The following ARHGAP45 variants were observed in gnomAD, a reference collection of about 807,000 sequenced individuals.
ARHGAP45 encodes the protein rho GTPase-activating protein 45.
ARHGAP45 carries 56 observed loss-of-function variants against 116.1 expected under a neutral mutation model. The ratio of observed to expected loss-of-function variants is 0.48; its 90% CI spans 0.39 to 0.60. The LOEUF (loss-of-function observed/expected upper bound fraction) is 0.60, where lower values mean the gene tolerates loss of function less well. ARHGAP45 is among the 20% of genes least tolerant of loss of function. The probability of loss-of-function intolerance (pLI) is 0.00; values close to 1 mark genes in which losing one functional copy is unlikely to be tolerated. For synonymous variants in ARHGAP45, 866 were observed against 701.7 expected (o/e 1.23, Z -3.70); for missense variants, 1,622 against 1,601.0 (o/e 1.01, Z -0.22).
chr19:1,067,192 C>G lies in ARHGAP45; in HGVS notation c.-214C>G. The stretch of plus-strand genomic sequence containing the variant: ...ACTCCGCAGAGCCGCAGGCTGAGGC[C>G]GGGAAGGGTCGGGGGCGAGGCCGCG... On this transcript the variant is annotated 5_prime_UTR_variant, in exon 1 of 23. Coordinates refer to ENST00000313093, the MANE Select transcript of ARHGAP45 (RefSeq NM_012292.5). The G allele has an allele frequency of 3.0e-6, 4 of 1,326,260 alleles. No homozygotes were observed. Among genetic ancestry groups the G allele is most frequent in the Non-Finnish European group, 3.8e-6 (4 of 1,042,804 alleles). 82.2% of individuals were successfully genotyped at this position (1,326,260 alleles called of 1,614,324 possible).
At position 1,080,519 on chromosome 19, in the gene ARHGAP45, C is replaced by T. The variant is rs769854991; in HGVS notation, c.1884C>T (p.Asp628=). 4 of 1,612,826 alleles carry T rather than the reference C, an allele frequency of 2.5e-6. No individual in the cohort carries two copies. Among genetic ancestry groups the T allele is most frequent in the African/African-American group, 1.3e-5 (1 of 74,924 alleles). Residue 628 remains aspartate (D), a synonymous_variant, in exon 15 of 23, where the codon GAC becomes GAT. Transcript: ENST00000313093. ...GGCCGCTCTCGATCTCAGACTCGGA[C>T]AGTGGGCTGGACCCCGGCCCTGGCG... The part of the protein sequence containing the change: ...KSWPLSISDS[D]SGLDPGPGAG...
In ARHGAP45 at chr19:1,073,932, C is replaced by G. The variant is rs752747465; in HGVS notation, c.724-16C>G. The G allele has an allele frequency of 6.5e-7, 1 of 1,546,122 alleles. No individual in the cohort carries two copies. Among genetic ancestry groups the G allele is most frequent in the African/African-American group, 1.4e-5 (1 of 73,152 alleles). On this transcript the variant is annotated splice_polypyrimidine_tract_variant and intron_variant, in intron 5 of 22. Coordinates refer to ENST00000313093, the MANE Select transcript of ARHGAP45 (RefSeq NM_012292.5). ...CCCCGCATGGGGCTGGTCTCACCTG[C>G]GTCTCCGTCCTACAGTCCATGGAAA...
intron 22 of ARHGAP45, among the ~76,000 whole-genome samples, 188 bp downstream of exon 22, chr19:1,084,534 A>G (rs2043543620): frequency 6.6e-6 from 1 of 152,230 alleles, no homozygotes; most frequent in Non-Finnish European, 1.5e-5. Flanking sequence ...CTGCAAAAAC[A>G]GGCAAGGCAG....
rs907592355 is a variant in ARHGAP45 at position 1,080,724 on chromosome 19, T to C, written c.1955T>C (p.Met652Thr). 1 of 1,613,596 alleles carries C rather than the reference T, an allele frequency of 6.2e-7. No individual in the cohort carries two copies. The highest frequency in any genetic ancestry group is 1.3e-5 in the African/African-American group (1 of 75,044). Residue 652 changes from methionine to threonine, a missense_variant, in exon 16 of 23, where the codon ATG becomes ACG. Around this residue, in one of 3 missense-constraint regions of ARHGAP45, gnomAD observed 1,334 missense variants for 1,263.8 expected, o/e 1.06. Coordinates refer to ENST00000313093, the MANE Select transcript of ARHGAP45 (RefSeq NM_012292.5). ...GAGCGGACGTCATCCAGTGGTACCA[T>C]GTCGTCCACGGAGGAGCTGGTGGAC... is the stretch of plus-strand genomic sequence containing the variant. ...KFERTSSSGT[M>T]SSTEELVDPD... is the part of the protein sequence containing the mutation.
In ARHGAP45 at chr19:1,067,480, C is replaced by A. The variant is rs1248446328; in HGVS notation, c.75C>A (p.Ser25Arg). Residue 25 changes from serine to arginine, a missense_variant, in exon 1 of 23, where the codon AGC (serine) becomes AGA (arginine). Physicochemically the swap from Ser to Arg is moderately radical, Grantham distance 110. Transcript: ENST00000313093. The part of the protein sequence containing the change: ...ISKKNRAGSP[S>R]PQPSGELPRK... The stretch of plus-strand genomic sequence containing the variant: ...AAAAGAACCGCGCGGGAAGCCCCAG[C>A]CCGCAGCCCTCGGGGGTGAGTGGAG... The A allele has an allele frequency of 1.2e-6, 2 of 1,603,548 alleles. No homozygotes were observed. Among genetic ancestry groups the A allele is most frequent in the Non-Finnish European group, 1.7e-6 (2 of 1,175,982 alleles).
At chr19:1,066,254 GAGGGGGGAGAGAGTTCACAC>G, upstream of ARHGAP45, 2 of 1,000,678 alleles carry the variant, frequency 2.0e-6, no homozygotes, top group East Asian at 3.5e-5. Context: ...GAGACTTGGG[GAGGGGGGAGAGAGTTCACAC>G]TGCGGGGTGG....
chr19:1,074,994 C>G lies in ARHGAP45; in HGVS notation c.1185+115C>G, dbSNP rs2043214130. ...CGGCGAGCTCCGCACACGCCCCGGC[C>G]TCCTGCGCATGCGCGGCCTCGCAGG... On this transcript the variant is annotated intron_variant, in intron 10 of 22. Transcript: ENST00000313093. The G allele has an allele frequency of 4.7e-6, 4 of 853,650 alleles. No individual in the cohort carries two copies. The South Asian group carries it at 1.6e-4, about 34-fold the overall frequency. 52.9% of individuals were successfully genotyped at this position (853,650 alleles called of 1,614,324 possible).
chr19:1,067,597 C>T (rs2043062850), intron 1 of ARHGAP45, 102 bp downstream of exon 1: 4 of 1,138,544 alleles, frequency 3.5e-6, no homozygotes, highest in South Asian at 1.3e-5. Flanking sequence ...GCTGGGGGCT[C>T]GTGCCAGCTA....
intron 10 of ARHGAP45, chr19:1,076,948 C>CAA: frequency 1.2e-6 from 1 of 855,526 alleles, no homozygotes; most frequent in South Asian, 5.4e-5. Flanking sequence ...AGGCTGGTCT[C>CAA]AAACTCCTGG....
intron 1 of ARHGAP45, among the ~76,000 whole-genome samples, chr19:1,067,957 G>T (rs978183348): frequency 2.7e-5 from 4 of 146,002 alleles, no homozygotes; most frequent in African/African-American, 7.6e-5. Flanking sequence ...ACAAAGCTGG[G>T]GGGGGGGTCT....
At position 1,080,128 on chromosome 19, in the gene ARHGAP45, C is replaced by T. The variant is rs764265678; in HGVS notation, c.1703+10C>T. 1.2e-6 allele frequency: 2 copies of T among 1,610,746 alleles called. No homozygotes were observed. Among genetic ancestry groups the T allele is most frequent in the Admixed American group, 1.7e-5 (1 of 59,940 alleles). ...TCTCCGCCAACGCCTGGTACCGCCACCCAGCTGCCCTGTCCCCGGCGCACA... is the reference window on the plus strand; with the variant it reads ...TCTCCGCCAACGCCTGGTACCGCCATCCAGCTGCCCTGTCCCCGGCGCACA... On this transcript the variant is annotated intron_variant, in intron 13 of 22. Transcript: ENST00000313093.
At chr19:1,067,706 T>C in intron 1 of ARHGAP45, 1 of 702,144 alleles carries the variant, frequency 1.4e-6, no homozygotes, top group Non-Finnish European at 2.6e-6. Flanking sequence ...GCCGCCTCCC[T>C]CCACTCCATC....
At chr19:1,081,409 C>T in intron 17 of ARHGAP45, 141 bp from the exon 18 acceptor site, 1 of 907,402 alleles carries the variant, frequency 1.1e-6, no homozygotes, top group Non-Finnish European at 1.6e-6. Context: ...GGGTGGAAGC[C>T]ACGAGCCACT....
In ARHGAP45 at chr19:1,068,457, C is replaced by A. The variant is rs767833895; in HGVS notation, c.134C>A (p.Pro45Gln). 2 of 1,582,308 alleles carry A rather than the reference C, an allele frequency of 1.3e-6. No individual in the cohort carries two copies. Among genetic ancestry groups the A allele is most frequent in the East Asian group, 2.3e-5 (1 of 42,998 alleles). The change falls in exon 2 of 23, where the codon CCA becomes CAA. Residue 45 changes from proline (P) to glutamine (Q), a missense_variant. This residue lies in a region of ARHGAP45 where 279 missense variants were observed against 311.9 expected (regional missense o/e 0.89). Transcript: ENST00000313093. This position sits in a 1 kb window ranked among gnomAD's most constrained non-coding sequence, Gnocchi z 7.5. The part of the protein sequence containing the change: ...KDGADAVFPG[P>Q]SLEPPAGSSG... ...GGGGCTGACGCGGTGTTCCCCGGACCAAGCCTGGAGCCGCCCGCTGGGTCC... is the reference window on the plus strand; with the variant it reads ...GGGGCTGACGCGGTGTTCCCCGGACAAAGCCTGGAGCCGCCCGCTGGGTCC...
At chr19:1,082,009 C>T (rs762138370) in intron 19 of ARHGAP45, 48 bp downstream of exon 19, 4 of 1,582,536 alleles carry the variant, frequency 2.5e-6, no homozygotes, top group Non-Finnish European at 3.4e-6. Flanking sequence ...GGGGCGTAGC[C>T]AGGCAGGAGG....
At position 1,080,121 on chromosome 19, in the gene ARHGAP45, A is replaced by G; in HGVS notation, c.1703+3A>G. 2 of 1,611,310 alleles carry G rather than the reference A, an allele frequency of 1.2e-6. No individual in the cohort carries two copies. Among genetic ancestry groups the G allele is most frequent in the Non-Finnish European group, 1.7e-6 (2 of 1,179,200 alleles). On this transcript the variant is annotated splice_donor_region_variant and intron_variant, in intron 13 of 22. Transcript: ENST00000313093. ...CCCCACGTCTCCGCCAACGCCTGGT[A>G]CCGCCACCCAGCTGCCCTGTCCCCG...
At position 1,074,328 on chromosome 19, in the gene ARHGAP45, C is replaced by G; in HGVS notation, c.929-15C>G. On this transcript the variant is annotated splice_polypyrimidine_tract_variant and intron_variant, in intron 7 of 22. Transcript: ENST00000313093. ...GGCCTTGTCCCAGCACCTCACACCC[C>G]TCTCCGGCCCGCAGAGATGGAGTTT... 1 of 1,611,246 alleles carries G rather than the reference C, an allele frequency of 6.2e-7. No individual in the cohort carries two copies. Among genetic ancestry groups the G allele is most frequent in the Middle Eastern group, 1.7e-4 (1 of 6,058 alleles).
intron 22 of ARHGAP45, among the ~76,000 whole-genome samples, chr19:1,085,456 TCTC>T (rs1031899252): frequency 1.0e-4 from 15 of 149,614 alleles, no homozygotes; most frequent in Non-Finnish European, 2.1e-4. Flanking sequence ...CTTGTCTCTC[TCTC>T]CTCCTCCCCG....
chr19:1,073,802 C>T, intron 5 of ARHGAP45, 56 bp downstream of exon 5: 2 of 1,543,762 alleles, frequency 1.3e-6, no homozygotes, highest in African/African-American at 1.4e-5. Context: ...CAGCCGGGTT[C>T]AGGTCTGCAG....
Sources: gnomAD v4.1 joint callset for allele counts (sites outside exome capture counted in the v4.1 genomes callset) on GRCh38, gnomAD v4.1.1 for gene constraint, gnomAD v4.1.1 regional missense constraint, Gnocchi (gnomAD v3.1) non-coding constraint, MANE v1.5 for transcripts, NCBI Gene and HGNC (gene_info 2026-07-23, HGNC 2026-07-21) for gene names.